The following SYNE4 variants were observed in gnomAD, a reference collection of about 807,000 sequenced individuals.
SYNE4 encodes the protein nesprin-4.
Under a neutral mutation model 46.9 loss-of-function variants are expected in SYNE4, and 41 were observed. The observed-to-expected ratio is 0.87, with a 90% confidence interval of 0.68 to 1.13. The LOEUF is 1.13. Ranked by LOEUF, SYNE4 falls within the 50% of genes most tolerant of loss-of-function variation. The pLI, the probability that SYNE4 is intolerant of heterozygous loss-of-function variation, is 0.00. For missense variants in SYNE4, 492 were observed against 514.8 expected, an observed-to-expected ratio of 0.96 and a Z score of 0.43; for synonymous variants, 221 against 219.5, an observed-to-expected ratio of 1.01 and a Z score of -0.06.
At position 36,003,460 on chromosome 19, in the gene SYNE4, GA is replaced by G; in HGVS notation, c.1091del (p.Phe364SerfsTer?). The G allele has an allele frequency of 6.2e-7, 1 of 1,611,076 alleles. No individual in the cohort carries two copies. The highest frequency in any genetic ancestry group is 1.1e-5 in the South Asian group (1 of 90,632). On this transcript the variant is annotated frameshift_variant, in exon 8 of 8. Coordinates refer to ENST00000324444, the MANE Select transcript of SYNE4 (RefSeq NM_001039876.3). LOFTEE classifies it high-confidence loss of function. ...LTFLLILFLL[F>X]LLLVGAMFLL... is the part of the protein sequence containing the mutation. ...GAAACATGGCACCCACCAGGAGGAG[GA>G]AGAGGAGGAAGAGGATAAGGAGGAA...
chr19:36,004,955 G>A (rs932624126), intron 6 of SYNE4, among the ~76,000 whole-genome samples: 4 of 127,746 alleles, frequency 3.1e-5, no homozygotes, highest in East Asian at 5.4e-4. Flanking sequence ...TCGGCTCACC[G>A]CAACCTCCGC....
chr19:36,008,484 C>G (rs1374971013), intron 1 of SYNE4, 70 bp downstream of exon 1: 10 of 1,608,928 alleles, frequency 6.2e-6, no homozygotes, highest in African/African-American at 2.7e-5. Flanking sequence ...ATGGCACCTC[C>G]TACCCTCACA....
intron 5 of SYNE4, chr19:36,006,074 G>T (rs1041965369): frequency 2.3e-5 from 6 of 261,218 alleles, no homozygotes; most frequent in African/African-American, 1.3e-4. Flanking sequence ...AAGCTGTGGT[G>T]AGTGCTGTTA....
In SYNE4 at chr19:36,008,640, C is replaced by T. The variant is rs980905445; in HGVS notation, c.42G>A (p.Glu14=). 5 of 1,613,830 alleles carry T rather than the reference C, an allele frequency of 3.1e-6. No individual in the cohort carries two copies. In the African/African-American group the frequency reaches 5.3e-5, roughly 17 times the overall value. ...SLPLGPRLGS[E]PLNHPPGAPR... is the part of the protein sequence containing the mutation. ...GTGCTCCCGGTGGGTGGTTGAGGGG[C>T]TCTGAGCCAAGTCTAGGGCCCAGAG... The change falls in exon 1 of 8, where the codon GAG becomes GAA. Residue 14 remains glutamate (E), a synonymous_variant. Transcript: ENST00000324444.
intron 6 of SYNE4, among the ~76,000 whole-genome samples, chr19:36,004,203 G>A (rs1976773880): frequency 6.6e-6 from 1 of 152,032 alleles, no homozygotes. Flanking sequence ...TAGAGATGGG[G>A]GGAGGGGGCA....
At chr19:36,004,084 T>C (rs1249489427) in intron 6 of SYNE4, among the ~76,000 whole-genome samples, 1 of 152,060 alleles carries the variant, frequency 6.6e-6, no homozygotes, top group Non-Finnish European at 1.5e-5. Flanking sequence ...TCACGACTCA[T>C]GGCAGCCCCA....
At position 36,003,630 on chromosome 19, in the gene SYNE4, C is replaced by G. The variant is rs1418943539; in HGVS notation, c.1014G>C (p.Arg338Ser). Residue 338 changes from arginine to serine, a missense_variant, in exon 7 of 8, where the codon AGG becomes AGC. Arg to Ser is a moderately radical substitution (Grantham distance 110). Coordinates refer to ENST00000324444, the MANE Select transcript of SYNE4 (RefSeq NM_001039876.3). ...RQASPHLQDV[R>S]LEGNPGAPDP... ...CACCTCACCCTGGATTCCCCTCCAG[C>G]CTCACATCCTGGAGATGAGGAGATG... The G allele has an allele frequency of 1.9e-6, 3 of 1,613,236 alleles. No homozygotes were observed. Among genetic ancestry groups the G allele is most frequent in the Non-Finnish European group, 2.5e-6 (3 of 1,179,780 alleles).
Position 36,008,222 on chromosome 19 carries a change from A to G in SYNE4, c.274T>C (p.Cys92Arg). Residue 92 changes from cysteine to arginine, a missense_variant, in exon 2 of 8, where the codon TGT becomes CGT. Coordinates refer to ENST00000324444, the MANE Select transcript of SYNE4 (RefSeq NM_001039876.3). ...SYEDPAGGKHCEHPISGLEVL... is the reference protein window; with the variant it reads ...SYEDPAGGKHREHPISGLEVL... ...TCTGGGTCACCTCAGCTCACCTCAC[A>G]GTGTTTGCCCCCAGCTGGGTCCTCG... 1 of 1,610,244 alleles carries G rather than the reference A, an allele frequency of 6.2e-7. No homozygotes were observed. The highest frequency in any genetic ancestry group is 8.5e-7 in the Non-Finnish European group (1 of 1,178,058).
At position 36,003,513 on chromosome 19, in the gene SYNE4, C is replaced by T. The variant is rs769650086; in HGVS notation, c.1039G>A (p.Asp347Asn). 70 of 1,598,604 alleles carry T rather than the reference C, an allele frequency of 4.4e-5. 1 individual carries two copies. In the South Asian group the frequency reaches 5.2e-4, roughly 12 times the overall value. The change falls in exon 8 of 8, where the codon GAT (aspartate) becomes AAT (asparagine). Residue 347 changes from aspartate (D) to asparagine (N), a missense_variant. Coordinates refer to ENST00000324444, the MANE Select transcript of SYNE4 (RefSeq NM_001039876.3). ...GTCAGAGGCTGCCTGGATGCAGGAT[C>T]GGGGGCCCTGTGAAGGGAAATGCAG... ...VRLEGNPGAP[D>N]PASRQPLTFL...
rs200948076 is a variant in SYNE4 at position 36,003,619 on chromosome 19, T to C, written c.1025A>G (p.Asn342Ser). The change falls in exon 7 of 8, where the codon AAT becomes AGT. Residue 342 changes from asparagine (N) to serine (S), a missense_variant. Coordinates refer to ENST00000324444, the MANE Select transcript of SYNE4 (RefSeq NM_001039876.3). Reference protein sequence around the residue: ...PHLQDVRLEGNPGAPDPASRQ... With the variant: ...PHLQDVRLEGSPGAPDPASRQ... ...CATCTCTCAGGCACCTCACCCTGGA[T>C]TCCCCTCCAGCCTCACATCCTGGAG... 166 of 1,613,144 alleles carry C rather than the reference T, an allele frequency of 1.0e-4. 2 individuals are homozygous for C. In the South Asian group the frequency reaches 1.7e-3, roughly 17 times the overall value.
In SYNE4 at chr19:36,008,665, G is replaced by A; in HGVS notation, c.17C>T (p.Pro6Leu). ...CTCTGAGCCAAGTCTAGGGCCCAGAGGCAGGGACAGGGCCATGGCTGGGGG... is the reference window on the plus strand; with the variant it reads ...CTCTGAGCCAAGTCTAGGGCCCAGAAGCAGGGACAGGGCCATGGCTGGGGG... MALSL[P>L]LGPRLGSEPL... The change falls in exon 1 of 8, where the codon CCT becomes CTT. Residue 6 changes from proline to leucine, a missense_variant. Transcript: ENST00000324444. 6.2e-7 allele frequency: 1 copy of A among 1,612,866 alleles called. No individual in the cohort carries two copies. The highest frequency in any genetic ancestry group is 1.1e-5 in the South Asian group (1 of 90,882).
intron 6 of SYNE4, among the ~76,000 whole-genome samples, chr19:36,004,625 A>G (rs1976785142): frequency 1.3e-5 from 2 of 152,170 alleles, no homozygotes; most frequent in South Asian, 2.1e-4. Flanking sequence ...GACCTGGCCA[A>G]TCTGAGCACT....
At chr19:36,008,463 C>T (rs760093228) in intron 1 of SYNE4, 91 bp downstream of exon 1, 167 of 1,600,798 alleles carry the variant, frequency 1.0e-4, no homozygotes, top group Non-Finnish European at 1.3e-4. Context: ...TGTCCCCAGG[C>T]GATCACAGCC....
intron 2 of SYNE4, among the ~76,000 whole-genome samples, 177 bp downstream of exon 2, chr19:36,008,040 A>G (rs1424575032): frequency 6.6e-6 from 1 of 151,964 alleles, no homozygotes; most frequent in Non-Finnish European, 1.5e-5. Context: ...AAAAGAAAGA[A>G]AGAAATACGT....
Position 36,007,278 on chromosome 19 carries a change from A to G in SYNE4, c.280-10T>C, listed in dbSNP as rs893167276. On this transcript the variant is annotated splice_polypyrimidine_tract_variant and intron_variant, in intron 2 of 7. Transcript: ENST00000324444. ...GGCCAGAAATGGGGTGCTGGGGAAC[A>G]CAGGAGCCAGGTCAGGGCCAGTGGG... is the stretch of plus-strand genomic sequence containing the variant. 5.0e-6 allele frequency: 8 copies of G among 1,593,470 alleles called. No homozygotes were observed. In the African/African-American group the frequency reaches 1.1e-4, roughly 21 times the overall value.
At chr19:36,008,165 G>A (rs1171020773) in intron 2 of SYNE4, 52 bp downstream of exon 2, 2 of 1,561,336 alleles carry the variant, frequency 1.3e-6, no homozygotes, top group East Asian at 4.6e-5. Flanking sequence ...AGACTCCAGG[G>A]GACAGAGAGG....
rs1009899422 is a variant in SYNE4, at chr19:36,007,509, G to A, written c.280-241C>T. 2.8e-5 allele frequency: 28 copies of A among 985,354 alleles called. No homozygotes were observed. In the South Asian group the frequency reaches 1.2e-3, roughly 41 times the overall value. 61.0% of individuals were successfully genotyped at this position (985,354 alleles called of 1,614,324 possible). ...AGCTCCTGGAAACTTGGATGTGTGA[G>A]GCCTGGGGGGTCTGGACAGGGAGCG... On this transcript the variant is annotated intron_variant, in intron 2 of 7. Transcript: ENST00000324444.
rs537242234 is a variant in SYNE4 at position 36,004,751 on chromosome 19, CA to C, written c.972+581del. 1.2e-3 allele frequency among the ~76,000 whole-genome samples: 187 copies of C among 152,190 alleles called. 1 individual carries two copies. The highest frequency in any genetic ancestry group is 3.7e-3 in the South Asian group (18 of 4,822). ...GCTCCTTCCCCTGGGGTGGGTAAAC[CA>C]GTGGGAGTGGCAGTGTAGCCACTGG... is the stretch of plus-strand genomic sequence containing the variant. On this transcript the variant is annotated intron_variant, in intron 6 of 7. Transcript: ENST00000324444.
rs1976868078 is a variant in SYNE4 at position 36,006,814 on chromosome 19, G to A, written c.554C>T (p.Ala185Val). The A allele has an allele frequency of 6.2e-7, 1 of 1,608,104 alleles. No homozygotes were observed. Among genetic ancestry groups the A allele is most frequent in the Non-Finnish European group, 8.5e-7 (1 of 1,178,052 alleles). Reference protein sequence around the residue: ...ALEQILRALGAYRDSIFRRLW... With the variant: ...ALEQILRALGVYRDSIFRRLW... The stretch of plus-strand genomic sequence containing the variant: ...CCGCCGGAAGATGGAGTCTCGGTAA[G>A]CTCCCAGGGCCCGCAGGATCTGCTC... The change falls in exon 4 of 8, where the codon GCT becomes GTT. Residue 185 changes from alanine to valine, a missense_variant. Transcript: ENST00000324444.
Sources: gnomAD v4.1 joint callset for allele counts (sites outside exome capture counted in the v4.1 genomes callset) on GRCh38, gnomAD v4.1.1 for gene constraint, MANE v1.5 for transcripts, NCBI Gene and HGNC (gene_info 2026-07-23, HGNC 2026-07-21) for gene names.